Variants in PYROXD1 observed in about 807,000 individuals in gnomAD.
PYROXD1 encodes pyridine nucleotide-disulphide oxidoreductase domain 1, also known as tRNA ligase complex-associated NAD(P)H dehydrogenase PYROXD1.
PYROXD1 carries 42 observed loss-of-function variants against 62.0 expected under a neutral mutation model. The ratio of observed to expected loss-of-function variants is 0.68; its 90% CI spans 0.53 to 0.88. The LOEUF is 0.88. PYROXD1 is among the 40% of genes least tolerant of loss of function. The probability of loss-of-function intolerance (pLI) is 0.00; values close to 1 mark genes in which losing one functional copy is unlikely to be tolerated. For missense variants in PYROXD1, 493 were observed against 604.8 expected (o/e 0.82, Z 1.94); for synonymous variants, 170 against 206.4 (o/e 0.82, Z 1.51).
Position 21,468,496 on chromosome 12 carries a change from C to G in PYROXD1, c.1255-10C>G. On this transcript the variant is annotated splice_polypyrimidine_tract_variant and intron_variant, in intron 11 of 11. Coordinates refer to ENST00000240651, the MANE Select transcript of PYROXD1 (RefSeq NM_024854.5). ...ACTCATGACAATAACCTTTTTATCT[C>G]TAAATATAGGTTGTACTGCTGGGAA... The G allele has an allele frequency of 1.2e-6, 2 of 1,605,684 alleles. No individual in the cohort carries two copies. The highest frequency in any genetic ancestry group is 1.7e-6 in the Non-Finnish European group (2 of 1,173,992).
At chr12:21,450,397 G>A (rs1942473039) in intron 4 of PYROXD1, among the ~76,000 whole-genome samples, 1 of 151,936 alleles carries the variant, frequency 6.6e-6, no homozygotes, top group South Asian at 2.1e-4. Context: ...TTATTCTCCA[G>A]CAAAAAAAAT....
Position 21,470,968 on chromosome 12 carries a change from C to T in PYROXD1, c.*2214C>T. On this transcript the variant is annotated 3_prime_UTR_variant, in exon 12 of 12. Coordinates refer to ENST00000240651, the MANE Select transcript of PYROXD1 (RefSeq NM_024854.5). Reference sequence around the variant, plus strand: ...AAAACTGAAAATTAATAGCCATTTACCCTGAAAGAGTTCTGCGTGGACTTT... The same window carrying T: ...AAAACTGAAAATTAATAGCCATTTATCCTGAAAGAGTTCTGCGTGGACTTT... 6.6e-7 allele frequency: 1 copy of T among 1,525,460 alleles called. No individual in the cohort carries two copies. The highest frequency in any genetic ancestry group is 8.7e-7 in the Non-Finnish European group (1 of 1,143,560). 94.5% of individuals were successfully genotyped at this position (1,525,460 alleles called of 1,614,324 possible). A position where few individuals can be genotyped will look rare whatever the true frequency, so the allele number is the denominator to read the frequency against.
intron 7 of PYROXD1, among the ~76,000 whole-genome samples, chr12:21,459,552 G>C (rs551460531): frequency 1.3e-5 from 2 of 152,314 alleles, no homozygotes; most frequent in South Asian, 4.2e-4. Flanking sequence ...ATTTATGGTT[G>C]GTTAGTCAGA....
Position 21,470,537 on chromosome 12 carries a change from G to A in PYROXD1, c.*1783G>A. The A allele has an allele frequency of 1.1e-6, 1 of 932,022 alleles. No homozygotes were observed. Among genetic ancestry groups the A allele is most frequent in the Non-Finnish European group, 1.5e-6 (1 of 677,754 alleles). 57.7% of individuals were successfully genotyped at this position (932,022 alleles called of 1,614,324 possible). A position where few individuals can be genotyped will look rare whatever the true frequency, so the allele number is the denominator to read the frequency against. ...TATTTTGAATAAAAGGGGCTACGTT[G>A]TGAGAGAAGTTCTAAAGACCTCAAA... On this transcript the variant is annotated 3_prime_UTR_variant, in exon 12 of 12. Coordinates refer to ENST00000240651, the MANE Select transcript of PYROXD1 (RefSeq NM_024854.5).
chr12:21,458,606 T>C (rs1565552007), intron 7 of PYROXD1, among the ~76,000 whole-genome samples: 8 of 152,172 alleles, frequency 5.3e-5, no homozygotes, highest in Admixed American at 5.2e-4. Flanking sequence ...TGATCCTTAC[T>C]TTCACTTGAA....
In PYROXD1 at chr12:21,440,399, T is replaced by G; in HGVS notation, c.116T>G (p.Leu39Arg). The G allele has an allele frequency of 6.2e-7, 1 of 1,600,704 alleles. No homozygotes were observed. Among genetic ancestry groups the G allele is most frequent in the Non-Finnish European group, 8.5e-7 (1 of 1,173,884 alleles). Residue 39 changes from leucine (L) to arginine (R), a missense_variant, in exon 2 of 12, where the codon CTC (leucine) becomes CGC (arginine). This residue lies in a region of PYROXD1 where 164 missense variants were observed against 158.2 expected (regional missense o/e 1.04). Transcript: ENST00000240651. Reference sequence around the variant, plus strand: ...ACTCACTTTCCATCGGAAGATATTCTCTTGGTAACAGCTTCTCCTGTTATT... The same window carrying G: ...ACTCACTTTCCATCGGAAGATATTCGCTTGGTAACAGCTTCTCCTGTTATT... Reference protein sequence around the residue: ...LATHFPSEDILLVTASPVIKA... With the variant: ...LATHFPSEDIRLVTASPVIKA...
intron 3 of PYROXD1, among the ~76,000 whole-genome samples, chr12:21,448,884 G>A (rs1336750952): frequency 6.6e-6 from 1 of 151,986 alleles, no homozygotes; most frequent in African/African-American, 2.4e-5. Context: ...TAAATTTAAA[G>A]CCAATACATG....
At chr12:21,456,632 A>G (rs1942602372) in intron 7 of PYROXD1, among the ~76,000 whole-genome samples, 1 of 152,140 alleles carries the variant, frequency 6.6e-6, no homozygotes, top group African/African-American at 2.4e-5. Context: ...TTGGTGGCTG[A>G]TGACTCATCA....
chr12:21,442,317 A>G (rs1186853678), intron 2 of PYROXD1, among the ~76,000 whole-genome samples: 2 of 152,182 alleles, frequency 1.3e-5, no homozygotes, highest in East Asian at 1.9e-4. Flanking sequence ...GTACTGCTAT[A>G]TTGGTAATAG....
chr12:21,467,397 CCTTT>C, intron 10 of PYROXD1, 80 bp from the exon 11 acceptor site: 1 of 1,300,364 alleles, frequency 7.7e-7, no homozygotes, highest in South Asian at 1.5e-5. Flanking sequence ...ACATTGAACT[CCTTT>C]AAGTGAATTT....
chr12:21,460,276 A>G (rs776180021), intron 7 of PYROXD1, among the ~76,000 whole-genome samples: 5 of 152,226 alleles, frequency 3.3e-5, no homozygotes, highest in African/African-American at 4.8e-5. Context: ...TTAATTCAAT[A>G]AGCATTTATT....
chr12:21,446,200 G>C (rs1483743455), intron 3 of PYROXD1, among the ~76,000 whole-genome samples: 1 of 152,142 alleles, frequency 6.6e-6, no homozygotes, highest in Non-Finnish European at 1.5e-5. Flanking sequence ...GAGGCAGGCG[G>C]ATCATGAGGT....
At chr12:21,448,000 T>C in intron 3 of PYROXD1, 2 of 370,846 alleles carry the variant, frequency 5.4e-6, no homozygotes, top group South Asian at 5.8e-5. Flanking sequence ...AAAAAACACA[T>C]GCGTACTTTT....
At chr12:21,443,721 A>G (rs1320407504) in intron 2 of PYROXD1, among the ~76,000 whole-genome samples, 1 of 152,176 alleles carries the variant, frequency 6.6e-6, no homozygotes, top group Non-Finnish European at 1.5e-5. Context: ...ATAGCCCTTC[A>G]TTTAATACGA....
rs1369982175 is a variant in PYROXD1 at position 21,445,413 on chromosome 12, C to T, written c.232C>T (p.Pro78Ser). Residue 78 changes from proline (P) to serine (S), a missense_variant, in exon 3 of 12, where the codon CCC (proline) becomes TCC (serine). By Grantham distance (74) the Pro-to-Ser change is moderately conservative. Coordinates refer to ENST00000240651, the MANE Select transcript of PYROXD1 (RefSeq NM_024854.5). Reference protein sequence around the residue: ...QSSTMLGKRFPNIKVIESGVK... With the variant: ...QSSTMLGKRFSNIKVIESGVK... The stretch of plus-strand genomic sequence containing the variant: ...AAGTACCATGTTAGGAAAACGCTTT[C>T]CCAACATTAAGGTTATAGAATCTGG... 1.2e-6 allele frequency: 2 copies of T among 1,608,896 alleles called. No homozygotes were observed. Among genetic ancestry groups the T allele is most frequent in the Non-Finnish European group, 1.7e-6 (2 of 1,178,532 alleles).
rs1942368551 is a variant in PYROXD1, at chr12:21,445,430, A to G, written c.249A>G (p.Ile83Met). The change falls in exon 3 of 12, where the codon ATA becomes ATG. Residue 83 changes from isoleucine to methionine, a missense_variant. Ile to Met is a conservative substitution (Grantham distance 10). Transcript: ENST00000240651. ...LGKRFPNIKV[I>M]ESGVKQLKSE... ...AACGCTTTCCCAACATTAAGGTTAT[A>G]GAATCTGGCGTAAAGCAACTGAAGA... 1.2e-6 allele frequency: 2 copies of G among 1,607,110 alleles called. No individual in the cohort carries two copies.
chr12:21,457,062 G>T, intron 7 of PYROXD1: 1 of 306,498 alleles, frequency 3.3e-6, no homozygotes, highest in Non-Finnish European at 6.4e-6. Context: ...TTGAAATCTT[G>T]AATCCCTCAA....
At chr12:21,440,576 A>T (rs1481071793) in intron 2 of PYROXD1, 128 bp downstream of exon 2, 5 of 561,802 alleles carry the variant, frequency 8.9e-6, no homozygotes, top group Non-Finnish European at 1.6e-5. Flanking sequence ...GCTGTACAAC[A>T]TGATGTTTTG....
chr12:21,442,513 A>C (rs1305554584), intron 2 of PYROXD1, among the ~76,000 whole-genome samples: 1 of 152,142 alleles, frequency 6.6e-6, no homozygotes, highest in African/African-American at 2.4e-5. Flanking sequence ...AAACTAGCTT[A>C]CTATGGTGAT....
Sources: gnomAD v4.1 joint callset for allele counts (sites outside exome capture counted in the v4.1 genomes callset) on GRCh38, gnomAD v4.1.1 for gene constraint, gnomAD v4.1.1 regional missense constraint, MANE v1.5 for transcripts, NCBI Gene and HGNC (gene_info 2026-07-23, HGNC 2026-07-21) for gene names.